APLF: variants seen among roughly 807,000 people sequenced by gnomAD.
APLF encodes aprataxin and PNKP like factor.
In APLF, 61 loss-of-function variants were observed where a neutral mutation model predicts 55.6. The ratio of observed to expected loss-of-function variants is 1.10; its 90% CI spans 0.89 to 1.36. The LOEUF is 1.36. APLF is among the 40% of genes most tolerant of loss of function. The pLI is 0.00. For missense variants in APLF, 611 were observed against 602.5 expected (o/e 1.01, Z -0.15); for synonymous variants, 207 against 214.8 (o/e 0.96, Z 0.32).
intron 5 of APLF, among the ~76,000 whole-genome samples, chr2:68,517,057 A>G (rs1669612198): frequency 1.6e-5 from 2 of 124,536 alleles, no homozygotes; most frequent in East Asian, 2.2e-4. Context: ...CATGTTATTA[A>G]TATATAACAT....
At chr2:68,551,307 TA>T (rs1234367479) in intron 8 of APLF, among the ~76,000 whole-genome samples, 1 of 152,124 alleles carries the variant, frequency 6.6e-6, no homozygotes, top group Non-Finnish European at 1.5e-5. Flanking sequence ...ACAGTTTAAC[TA>T]ACGTGCCTAG....
intron 3 of APLF, among the ~76,000 whole-genome samples, chr2:68,505,491 G>A (rs946057607): frequency 8.6e-5 from 13 of 151,820 alleles, no homozygotes; most frequent in African/African-American, 2.2e-4. Flanking sequence ...GAATTTTTTC[G>A]TATTGATGAA....
At chr2:68,496,441 A>G (rs1676549698) in intron 2 of APLF, among the ~76,000 whole-genome samples, 1 of 152,016 alleles carries the variant, frequency 6.6e-6, no homozygotes, top group South Asian at 2.1e-4. Flanking sequence ...TCTCTCTAGC[A>G]AGTGGTTGCT....
chr2:68,471,158 C>G (rs1675606012), intron 1 of APLF, among the ~76,000 whole-genome samples: 1 of 152,166 alleles, frequency 6.6e-6, no homozygotes, highest in Non-Finnish European at 1.5e-5. Context: ...ATCTCAGCCT[C>G]TCATTCACTC....
chr2:68,572,611 G>A (rs1329972543), intron 9 of APLF, among the ~76,000 whole-genome samples: 1 of 152,232 alleles, frequency 6.6e-6, no homozygotes, highest in East Asian at 1.9e-4. Context: ...CAAGGCAGGA[G>A]GATCGCTTGA....
intron 9 of APLF, among the ~76,000 whole-genome samples, chr2:68,576,065 T>C (rs1464548012): frequency 6.6e-6 from 1 of 151,954 alleles, no homozygotes; most frequent in Non-Finnish European, 1.5e-5. Context: ...GAACCTGGAG[T>C]TGTTTCACCT....
rs201539799 is a variant in APLF at position 68,535,573 on chromosome 2, AATTT to A, written c.805-2293_805-2290del. On this transcript the variant is annotated intron_variant, in intron 6 of 9. Transcript: ENST00000303795. The stretch of plus-strand genomic sequence containing the variant: ...AGTATTTCATAGTAAGAATATAATT[AATTT>A]ATTTAACCACTTCCCTAGCTGTGCT... Among the ~76,000 whole-genome samples the A allele has an allele frequency of 3.2e-4, 48 of 150,466 alleles. No homozygotes were observed. In the East Asian group the frequency reaches 8.0e-3, roughly 25 times the overall value.
chr2:68,570,541 G>T (rs1040353544), intron 9 of APLF, among the ~76,000 whole-genome samples: 12 of 151,884 alleles, frequency 7.9e-5, no homozygotes, highest in Non-Finnish European at 1.6e-4. Context: ...AGAACATGTG[G>T]TGTTTGGTTT....
intron 9 of APLF, among the ~76,000 whole-genome samples, chr2:68,571,456 T>C (rs969838281): frequency 6.6e-5 from 10 of 152,158 alleles, no homozygotes; most frequent in African/African-American, 2.4e-4. Flanking sequence ...TAATCCATCT[T>C]GAATTAATTT....
At chr2:68,518,158 G>A (rs1669700332) in intron 5 of APLF, among the ~76,000 whole-genome samples, 1 of 120,514 alleles carries the variant, frequency 8.3e-6, no homozygotes, top group African/African-American at 3.2e-5. Flanking sequence ...TATTATTAAT[G>A]TATAATAGTA....
chr2:68,517,158 A>G lies in APLF; in HGVS notation c.622+3478A>G, dbSNP rs1416065513. ...ACATATTAATATATGTTATTGATATATAATATATCAATATATAATAATGTT... is the reference window on the plus strand; with the variant it reads ...ACATATTAATATATGTTATTGATATGTAATATATCAATATATAATAATGTT... On this transcript the variant is annotated intron_variant, in intron 5 of 9. Transcript: ENST00000303795. 2.4e-5 allele frequency among the ~76,000 whole-genome samples: 3 copies of G among 124,982 alleles called. No individual in the cohort carries two copies. The South Asian group carries it at 7.0e-4, about 29-fold the overall frequency. The allele number at this position is 124,982 out of a possible 152,430, so 82.0% of individuals were successfully genotyped here.
intron 8 of APLF, among the ~76,000 whole-genome samples, chr2:68,555,389 G>GA (rs1670976508): frequency 6.6e-6 from 1 of 152,152 alleles, no homozygotes; most frequent in African/African-American, 2.4e-5. Flanking sequence ...CAGAGTGGGT[G>GA]AAAATCTTCA....
At chr2:68,525,742 C>CTTTCTTTTTTT (rs1670022603) in intron 5 of APLF, among the ~76,000 whole-genome samples, 1 of 82,036 alleles carries the variant, frequency 1.2e-5, no homozygotes, top group African/African-American at 6.2e-5. Flanking sequence ...TTCTTTCTTT[C>CTTTCTTTTTTT]TTTTTTTTTT....
intron 2 of APLF, among the ~76,000 whole-genome samples, chr2:68,497,354 G>A (rs1424261027): frequency 6.6e-6 from 1 of 152,104 alleles, no homozygotes; most frequent in African/African-American, 2.4e-5. Flanking sequence ...GAGGTGATTG[G>A]ATCATGGTGG....
At chr2:68,494,967 C>CA (rs1199266559) in intron 2 of APLF, among the ~76,000 whole-genome samples, 2 of 152,142 alleles carry the variant, frequency 1.3e-5, no homozygotes, top group Admixed American at 1.3e-4. Context: ...TACTAAGTCT[C>CA]ACGAGAACTC....
intron 3 of APLF, among the ~76,000 whole-genome samples, chr2:68,512,767 A>G (rs1669426051): frequency 6.6e-6 from 1 of 151,740 alleles, no homozygotes. Flanking sequence ...CTGGGTGGTG[A>G]TCTTAATTTC....
intron 7 of APLF, 59 bp downstream of exon 7, chr2:68,538,286 G>C: frequency 7.1e-7 from 1 of 1,414,192 alleles, no homozygotes; most frequent in Non-Finnish European, 9.6e-7. Flanking sequence ...TAGCTATGTA[G>C]ATACATGCTA....
At chr2:68,559,086 A>G (rs907097682) in intron 8 of APLF, among the ~76,000 whole-genome samples, 11 of 152,170 alleles carry the variant, frequency 7.2e-5, no homozygotes, top group African/African-American at 2.7e-4. Flanking sequence ...GGTTCTAGTT[A>G]TGGTTATGCT....
intron 6 of APLF, 24 bp from the exon 7 acceptor site, chr2:68,537,848 A>G: frequency 6.8e-7 from 1 of 1,468,078 alleles, no homozygotes; most frequent in East Asian, 2.3e-5. Context: ...TTTATTTCTG[A>G]TGTTTTTCAT....
Sources: allele counts gnomAD v4.1 joint callset (sites outside exome capture counted in the v4.1 genomes callset), GRCh38; gene constraint gnomAD v4.1.1; transcripts MANE v1.5; gene names NCBI Gene and HGNC (gene_info 2026-07-23, HGNC 2026-07-21).